The following PDE4D variants were observed in gnomAD, a reference collection of about 807,000 sequenced individuals.
PDE4D encodes phosphodiesterase 4D.
Under a neutral mutation model 87.4 loss-of-function variants are expected in PDE4D, and 24 were observed. That is an observed-to-expected ratio of 0.27 (90% CI 0.20 to 0.39). PDE4D has a LOEUF of 0.39. Ranked by LOEUF, PDE4D falls within the 10% of genes least tolerant of loss-of-function variation. The pLI is 1.00. For synonymous variants in PDE4D, 384 were observed against 383.2 expected (o/e 1.00, Z -0.02); for missense variants, 714 against 1,041.0 (o/e 0.69, Z 4.32).
intron 6 of PDE4D, among the ~76,000 whole-genome samples, chr5:59,035,583 A>G (rs895557648): frequency 1.3e-5 from 2 of 152,196 alleles, no homozygotes; most frequent in African/African-American, 2.4e-5. Flanking sequence ...GTCAGATACT[A>G]TATTAGCTAG....
At chr5:59,149,713 T>G (rs149398499) in intron 5 of PDE4D, among the ~76,000 whole-genome samples, 4 of 137,280 alleles carry the variant, frequency 2.9e-5, no homozygotes, top group Non-Finnish European at 6.6e-5. Flanking sequence ...CGAGTTTTTT[T>G]TTTTTTTTTT....
chr5:59,320,405 T>C (rs1210926157), intron 1 of PDE4D, among the ~76,000 whole-genome samples: 2 of 152,220 alleles, frequency 1.3e-5, no homozygotes, highest in East Asian at 3.9e-4. Flanking sequence ...TTTCAGACTT[T>C]ATAGAACCCT....
chr5:59,780,264 G>A (rs7719414), intron 1 of PDE4D, among the ~76,000 whole-genome samples: 7,840 of 152,236 alleles, frequency 0.051, 706 homozygotes, highest in African/African-American at 0.18. Flanking sequence ...TACTCAGGAG[G>A]CTGAGGCAGG....
intron 1 of PDE4D, among the ~76,000 whole-genome samples, chr5:59,824,419 C>A (rs987682551): frequency 6.6e-6 from 1 of 152,072 alleles, no homozygotes; most frequent in Admixed American, 6.6e-5. Context: ...TGAGCAGGGA[C>A]CTTTCCGGTC....
intron 1 of PDE4D, among the ~76,000 whole-genome samples, chr5:59,294,952 C>G (rs1281180373): frequency 6.6e-6 from 1 of 152,200 alleles, no homozygotes; most frequent in African/African-American, 2.4e-5. Context: ...AGGATTGTCT[C>G]TTCTGGATGC....
At chr5:59,947,794 G>T (rs1391177085) in intron 3 of PDE4D, among the ~76,000 whole-genome samples, 1 of 152,152 alleles carries the variant, frequency 6.6e-6, no homozygotes, top group African/African-American at 2.4e-5. Flanking sequence ...GGATCACAAG[G>T]TCAGAAGTTC....
At chr5:59,248,997 T>C (rs1428683551) in intron 1 of PDE4D, among the ~76,000 whole-genome samples, 8 of 151,872 alleles carry the variant, frequency 5.3e-5, no homozygotes, top group Non-Finnish European at 1.5e-5. Flanking sequence ...AAAAAATCAA[T>C]AAATTTGACT....
Position 59,198,508 on chromosome 5 carries a change from G to A in PDE4D, c.648-4972C>T, listed in dbSNP as rs367721843. On this transcript the variant is annotated intron_variant, in intron 2 of 14. Transcript: ENST00000340635. ...TGGTTTTAAATTTCATGATGTCCAA[G>A]GAGGTGCCACATGCTCTGTCACCTT... Among the ~76,000 whole-genome samples the A allele has an allele frequency of 2.8e-4, 42 of 152,276 alleles. 1 individual carries two copies. The highest frequency in any genetic ancestry group is 9.6e-4 in the African/African-American group (40 of 41,558).
chr5:59,114,439 A>G (rs1273963641), intron 5 of PDE4D, among the ~76,000 whole-genome samples: 1 of 152,212 alleles, frequency 6.6e-6, no homozygotes, highest in Non-Finnish European at 1.5e-5. Flanking sequence ...GGTTTTGGAT[A>G]TGAAGAATTT....
intron 1 of PDE4D, among the ~76,000 whole-genome samples, chr5:59,434,614 G>A (rs1170611479): frequency 6.6e-6 from 1 of 152,052 alleles, no homozygotes; most frequent in Non-Finnish European, 1.5e-5. Context: ...TTTTTCTGCT[G>A]TTACCATCAG....
chr5:59,674,300 T>C (rs930333831), intron 1 of PDE4D, among the ~76,000 whole-genome samples: 3 of 152,176 alleles, frequency 2.0e-5, no homozygotes, highest in African/African-American at 7.2e-5. Context: ...TTTCCAGTTT[T>C]ACCCTGTGGA....
At chr5:59,332,949 G>A (rs535385134) in intron 1 of PDE4D, among the ~76,000 whole-genome samples, 1 of 152,174 alleles carries the variant, frequency 6.6e-6, no homozygotes, top group African/African-American at 2.4e-5. Context: ...CTTTGCAAAT[G>A]GTGATAACAT....
intron 3 of PDE4D, among the ~76,000 whole-genome samples, chr5:59,919,037 T>C (rs1277800004): frequency 6.6e-6 from 1 of 152,202 alleles, no homozygotes; most frequent in Non-Finnish European, 1.5e-5. Context: ...CATAGAGATA[T>C]GTAAGTACAA....
intron 1 of PDE4D, among the ~76,000 whole-genome samples, chr5:59,320,915 T>C (rs1774608857): frequency 1.3e-5 from 2 of 152,160 alleles, no homozygotes; most frequent in Admixed American, 6.6e-5. Flanking sequence ...CTCATTAAGA[T>C]AAACCAATTA....
chr5:59,288,735 G>A (rs959034405), intron 1 of PDE4D, among the ~76,000 whole-genome samples: 4 of 152,040 alleles, frequency 2.6e-5, no homozygotes, highest in Non-Finnish European at 4.4e-5. Flanking sequence ...ATACACTGGA[G>A]TTCCAATATA....
intron 1 of PDE4D, among the ~76,000 whole-genome samples, chr5:59,467,251 T>G (rs1229648392): frequency 6.6e-6 from 1 of 152,164 alleles, no homozygotes; most frequent in Non-Finnish European, 1.5e-5. Context: ...AATTAACACA[T>G]GGATTCTATT....
At chr5:59,897,359 A>G (rs1471814929), upstream of PDE4D, among the ~76,000 whole-genome samples, 3 of 152,302 alleles carry the variant, frequency 2.0e-5, no homozygotes, top group Non-Finnish European at 2.9e-5. Flanking sequence ...AGCAGAGAGC[A>G]AGCACCATTT....
intron 1 of PDE4D, among the ~76,000 whole-genome samples, chr5:60,285,197 A>G (rs1752303922): frequency 6.6e-6 from 1 of 152,140 alleles, no homozygotes; most frequent in African/African-American, 2.4e-5. Flanking sequence ...TAATAATTAT[A>G]TGATATAATA....
intron 1 of PDE4D, among the ~76,000 whole-genome samples, chr5:59,834,610 A>G (rs1741722592): frequency 6.6e-6 from 1 of 152,026 alleles, no homozygotes; most frequent in Admixed American, 6.6e-5. Context: ...TCCAAATTCA[A>G]AGGCTAAACA....
Sources: allele counts gnomAD v4.1 joint callset (sites outside exome capture counted in the v4.1 genomes callset), GRCh38; gene constraint gnomAD v4.1.1; transcripts MANE v1.5; gene names NCBI Gene and HGNC (gene_info 2026-07-23, HGNC 2026-07-21).